AGMAT: variants seen among roughly 807,000 people sequenced by gnomAD.
AGMAT encodes guanidino acid hydrolase, mitochondrial.
A neutral mutation model predicts 29.3 loss-of-function variants in AGMAT; 37 were observed. The ratio of observed to expected loss-of-function variants is 1.26; its 90% CI spans 0.97 to 1.66. The LOEUF (loss-of-function observed/expected upper bound fraction) is 1.66, where lower values mean the gene tolerates loss of function less well. Ranked by LOEUF, AGMAT falls within the 40% of genes most tolerant of loss-of-function variation. The pLI is 0.00. For synonymous variants in AGMAT, 199 were observed against 200.8 expected (o/e 0.99, Z 0.08); for missense variants, 498 against 497.8 (o/e 1.00, Z 0.00).
In AGMAT at chr1:15,585,024, G is replaced by A. The variant is rs905925785; in HGVS notation, c.-57C>T. On this transcript the variant is annotated 5_prime_UTR_variant, in exon 1 of 7. Coordinates refer to ENST00000375826, the MANE Select transcript of AGMAT (RefSeq NM_024758.5). ...ACCGCCCGCGAGGCCGCCGCGATCT[G>A]GCTGGTCCCGAACGGCGAGGCGAGT... The A allele has an allele frequency of 2.3e-6, 3 of 1,277,058 alleles. No individual in the cohort carries two copies. Among genetic ancestry groups the A allele is most frequent in the African/African-American group, 3.1e-5 (2 of 64,190 alleles). 79.1% of individuals were successfully genotyped at this position (1,277,058 alleles called of 1,614,324 possible).
chr1:15,577,584 CA>C, intron 5 of AGMAT, 100 bp downstream of exon 5: 1 of 1,316,700 alleles, frequency 7.6e-7, no homozygotes, highest in Non-Finnish European at 1.0e-6. Context: ...AACAAACAAA[CA>C]AAAATCCTAT....
intron 6 of AGMAT, 39 bp from the exon 7 acceptor site, chr1:15,573,763 C>T (rs377066707): frequency 6.1e-5 from 96 of 1,577,142 alleles, no homozygotes; most frequent in African/African-American, 1.3e-4. Context: ...ACCCTGCAGA[C>T]GACCCGCTGA....
Position 15,585,014 on chromosome 1 carries a change from GC to G in AGMAT, c.-48del. The stretch of plus-strand genomic sequence containing the variant: ...CACCGACCAAACCGCCCGCGAGGCC[GC>G]CGCGATCTGGCTGGTCCCGAACGGC... On this transcript the variant is annotated 5_prime_UTR_variant, in exon 1 of 7. Coordinates refer to ENST00000375826, the MANE Select transcript of AGMAT (RefSeq NM_024758.5). 2 of 1,281,086 alleles carry G rather than the reference GC, an allele frequency of 1.6e-6. No individual in the cohort carries two copies. Among genetic ancestry groups the G allele is most frequent in the Non-Finnish European group, 2.0e-6 (2 of 1,017,304 alleles). The allele number at this position is 1,281,086 out of a possible 1,614,324, so 79.4% of individuals were successfully genotyped here.
chr1:15,574,898 C>T (rs899290499), intron 5 of AGMAT, 57 bp from the exon 6 acceptor site: 2 of 1,410,550 alleles, frequency 1.4e-6, no homozygotes, highest in East Asian at 2.3e-5. Context: ...GTGAAAAGCA[C>T]CCAGTAGAGC....
In AGMAT at chr1:15,578,970, C is replaced by T. The variant is rs772056977; in HGVS notation, c.609G>A (p.Ala203=). The part of the protein sequence containing the change: ...KALGEKLYHG[A]PFRRCVDEGL... ...CCTCATCCACACACCGGCGGAAGGG[C>T]GCCCCGTGGTAGAGCTTCTCTCCTA... Residue 203 remains alanine, a synonymous_variant, in exon 4 of 7, where the codon GCG becomes GCA. Coordinates refer to ENST00000375826, the MANE Select transcript of AGMAT (RefSeq NM_024758.5). 19 of 1,614,154 alleles carry T rather than the reference C, an allele frequency of 1.2e-5. No homozygotes were observed. Among genetic ancestry groups the T allele is most frequent in the South Asian group, 4.4e-5 (4 of 91,084 alleles).
rs148899500 is a variant in AGMAT, at chr1:15,583,378, A to G, written c.290T>C (p.Ile97Thr). The G allele has an allele frequency of 1.3e-5, 21 of 1,613,644 alleles. No individual in the cohort carries two copies. The African/African-American group carries it at 1.9e-4, about 14-fold the overall frequency. ...CCCAAGCATCACTGATTCTTCCCGG[A>G]TGCGGCGAGGTCCGAATCTGCAGAA... ...RPGARFGPRRIREESVMLGTV... is the reference protein window; with the variant it reads ...RPGARFGPRRTREESVMLGTV... Residue 97 changes from isoleucine (I) to threonine (T), a missense_variant, in exon 2 of 7, where the codon ATC (isoleucine) becomes ACC (threonine). Physicochemically the swap from Ile to Thr is moderately conservative, Grantham distance 89. Coordinates refer to ENST00000375826, the MANE Select transcript of AGMAT (RefSeq NM_024758.5).
intron 2 of AGMAT, among the ~76,000 whole-genome samples, chr1:15,581,303 G>A (rs1219285909): frequency 1.3e-5 from 2 of 151,570 alleles, no homozygotes; most frequent in Non-Finnish European, 1.5e-5. Flanking sequence ...GAGCCATGTC[G>A]GCACCACTGC....
chr1:15,581,727 T>C (rs1454715670), intron 2 of AGMAT, among the ~76,000 whole-genome samples: 1 of 151,108 alleles, frequency 6.6e-6, no homozygotes, highest in East Asian at 2.0e-4. Flanking sequence ...TGCAACAAAT[T>C]AGCTGGGCGT....
In AGMAT at chr1:15,574,758, A is replaced by G. The variant is rs1230577066; in HGVS notation, c.984T>C (p.Ser328=). The part of the protein sequence containing the change: ...LVEVSPPYDL[S]GNTALLAANL... ...ATCTCAGTCTCTTTGCTTACTCACCAGAAAGATCATACGGTGGTGAAACTT... is the reference window on the plus strand; with the variant it reads ...ATCTCAGTCTCTTTGCTTACTCACCGGAAAGATCATACGGTGGTGAAACTT... The change falls in exon 6 of 7, where the codon TCT becomes TCC. Residue 328 remains serine (S), a splice_region_variant and synonymous_variant. Transcript: ENST00000375826. 4 of 1,613,466 alleles carry G rather than the reference A, an allele frequency of 2.5e-6. No homozygotes were observed. In the South Asian group the frequency reaches 3.3e-5, roughly 13 times the overall value.
intron 4 of AGMAT, among the ~76,000 whole-genome samples, chr1:15,578,541 C>T (rs1439864862): frequency 1.3e-5 from 2 of 151,968 alleles, no homozygotes; most frequent in African/African-American, 4.8e-5. Context: ...GTGATCCACC[C>T]ACCTTAGCCT....
At chr1:15,584,598 C>T in intron 1 of AGMAT, 98 bp downstream of exon 1, 2 of 1,218,522 alleles carry the variant, frequency 1.6e-6, no homozygotes, top group Non-Finnish European at 2.1e-6. Flanking sequence ...CCAACTCGAC[C>T]CGGGGCCAGC....
chr1:15,582,495 G>A (rs1639129505), intron 2 of AGMAT, among the ~76,000 whole-genome samples: 1 of 152,254 alleles, frequency 6.6e-6, no homozygotes. Flanking sequence ...CTCCCACTAT[G>A]CCATGCAGGC....
chr1:15,583,982 G>A (rs1343341804), intron 1 of AGMAT, among the ~76,000 whole-genome samples: 2 of 152,118 alleles, frequency 1.3e-5, no homozygotes, highest in East Asian at 3.9e-4. Flanking sequence ...CTTGAGTCAG[G>A]TGACATCTTC....
intron 3 of AGMAT, 37 bp from the exon 4 acceptor site, chr1:15,579,091 C>A: frequency 6.3e-7 from 1 of 1,596,112 alleles, no homozygotes; most frequent in Non-Finnish European, 8.6e-7. Context: ...CCAACCCTCC[C>A]TGTGGGGCCC....
chr1:15,578,956 C>T lies in AGMAT; in HGVS notation c.623G>A (p.Cys208Tyr). Reference sequence around the variant, plus strand: ...ACAGTCCAGGAGACCCTCATCCACACACCGGCGGAAGGGCGCCCCGTGGTA... The same window carrying T: ...ACAGTCCAGGAGACCCTCATCCACATACCGGCGGAAGGGCGCCCCGTGGTA... The part of the protein sequence containing the change: ...KLYHGAPFRR[C>Y]VDEGLLDCKR... The change falls in exon 4 of 7, where the codon TGT (cysteine) becomes TAT (tyrosine). Residue 208 changes from cysteine (C) to tyrosine (Y), a missense_variant. Transcript: ENST00000375826. 1 of 1,614,182 alleles carries T rather than the reference C, an allele frequency of 6.2e-7. No individual in the cohort carries two copies. The highest frequency in any genetic ancestry group is 1.1e-5 in the South Asian group (1 of 91,080).
At chr1:15,581,948 C>T (rs6664598) in intron 2 of AGMAT, among the ~76,000 whole-genome samples, 94,866 of 151,608 alleles carry the variant, frequency 0.63, 30,711 homozygotes, top group African/African-American at 0.79. Flanking sequence ...ATAATAATAA[C>T]AGTTAACATT....
Position 15,574,768 on chromosome 1 carries a change from T to A in AGMAT, c.974A>T (p.Tyr325Phe), listed in dbSNP as rs190898403. The A allele has an allele frequency of 2.5e-6, 4 of 1,613,674 alleles. No individual in the cohort carries two copies. The African/African-American group carries it at 5.3e-5, about 22-fold the overall frequency. Residue 325 changes from tyrosine (Y) to phenylalanine (F), a missense_variant, in exon 6 of 7, where the codon TAT becomes TTT. Tyr to Phe is a conservative substitution (Grantham distance 22). Transcript: ENST00000375826. ...CTTTGCTTACTCACCAGAAAGATCA[T>A]ACGGTGGTGAAACTTCGACAAGATC... ...GCDLVEVSPP[Y>F]DLSGNTALLA... is the part of the protein sequence containing the mutation.
At chr1:15,583,450 G>A (rs956950297) in intron 1 of AGMAT, 55 bp from the exon 2 acceptor site, 1 of 1,536,038 alleles carries the variant, frequency 6.5e-7, no homozygotes, top group Non-Finnish European at 8.8e-7. Context: ...TTCAGGCTTT[G>A]CTTAGGCCAG....
rs1035821334 is a variant in AGMAT at position 15,573,427 on chromosome 1, G to A, written c.*224C>T. 9.8e-6 allele frequency: 5 copies of A among 508,962 alleles called. No homozygotes were observed. The highest frequency in any genetic ancestry group is 1.8e-5 in the Non-Finnish European group (5 of 279,002). The allele number at this position is 508,962 out of a possible 1,614,324, so 31.5% of individuals were successfully genotyped here. A position where few individuals can be genotyped will look rare whatever the true frequency, so the allele number is the denominator to read the frequency against. ...CATCAAAGGAAAAAAAATCAAAGCA[G>A]TACAAGTACTCCTTTTTTTTTCCCC... On this transcript the variant is annotated 3_prime_UTR_variant, in exon 7 of 7. Coordinates refer to ENST00000375826, the MANE Select transcript of AGMAT (RefSeq NM_024758.5).
Sources: gnomAD v4.1 joint callset for allele counts (sites outside exome capture counted in the v4.1 genomes callset) on GRCh38, gnomAD v4.1.1 for gene constraint, MANE v1.5 for transcripts, NCBI Gene and HGNC (gene_info 2026-07-23, HGNC 2026-07-21) for gene names.